UBR4: variants seen among roughly 807,000 people sequenced by gnomAD.
UBR4 encodes the protein ubiquitin protein ligase E3 component n-recognin 4.
In UBR4, 124 loss-of-function variants were observed where a neutral mutation model predicts 575.6. That is an observed-to-expected ratio of 0.22 (90% confidence interval 0.19 to 0.25). UBR4 has a LOEUF of 0.25. UBR4 is among the 10% of genes least tolerant of loss of function. The probability of loss-of-function intolerance (pLI) is 1.00; values close to 1 mark genes in which losing one functional copy is unlikely to be tolerated. For synonymous variants in UBR4, 2,455 were observed against 2,473.7 expected, an observed-to-expected ratio of 0.99 and a Z score of 0.22; for missense variants, 4,818 against 6,478.8, an observed-to-expected ratio of 0.74 and a Z score of 8.80.
Position 19,146,828 on chromosome 1 carries a change from G to C in UBR4, c.7802C>G (p.Thr2601Arg), listed in dbSNP as rs1271376341. The change falls in exon 52 of 106, where the codon ACA becomes AGA. Residue 2601 changes from threonine to arginine, a missense_variant and splice_region_variant. By Grantham distance (71) the Thr-to-Arg change is moderately conservative. This residue lies in a region of UBR4 where 340 missense variants were observed against 375.4 expected (regional missense o/e 0.91). Transcript: ENST00000375254. Reference protein sequence around the residue: ...FTESKLPQMETEGMDEGKEPQ... With the variant: ...FTESKLPQMEREGMDEGKEPQ... ...ACGGCCACAGAGGCCAAGTTCACCT[G>C]TTTCCATCTGGGGCAGCTTTGACTC... 2.5e-6 allele frequency: 4 copies of C among 1,612,668 alleles called. No homozygotes were observed. In the East Asian group the frequency reaches 6.7e-5, roughly 27 times the overall value.
At chr1:19,132,844 C>T (rs11800466) in intron 60 of UBR4, among the ~76,000 whole-genome samples, 4,471 of 152,016 alleles carry the variant, frequency 0.029, 198 homozygotes, top group African/African-American at 0.096. Flanking sequence ...AACAGGCTCA[C>T]GCCAGTAAAA....
At position 19,163,781 on chromosome 1, in the gene UBR4, T is replaced by A; in HGVS notation, c.4747A>T (p.Asn1583Tyr). 1 of 1,614,180 alleles carries A rather than the reference T, an allele frequency of 6.2e-7. No homozygotes were observed. Among genetic ancestry groups the A allele is most frequent in the South Asian group, 1.1e-5 (1 of 91,084 alleles). The change falls in exon 34 of 106, where the codon AAT becomes TAT. Residue 1583 changes from asparagine (N) to tyrosine (Y), a missense_variant. Around this residue, in one of 29 missense-constraint regions of UBR4, gnomAD observed 1,172 missense variants for 1,259.7 expected, o/e 0.93. Transcript: ENST00000375254. ...QKNVVEKLNA[N>Y]VMHGKHVMIL... is the part of the protein sequence containing the mutation. Reference sequence around the variant, plus strand: ...TTTCTTACCTTTCCATGCATTACATTGGCATTCAGTTTTTCAACTACATTC... The same window carrying A: ...TTTCTTACCTTTCCATGCATTACATAGGCATTCAGTTTTTCAACTACATTC...
At chr1:19,199,034 CAT>C (rs2092614939) in intron 3 of UBR4, 106 bp from the exon 4 acceptor site, 1 of 1,336,066 alleles carries the variant, frequency 7.5e-7, no homozygotes, top group African/African-American at 1.5e-5. Flanking sequence ...AATTTAGGTT[CAT>C]ATAAACACTA....
At chr1:19,179,892 T>C (rs2151101889) in intron 17 of UBR4, among the ~76,000 whole-genome samples, 1 of 152,170 alleles carries the variant, frequency 6.6e-6, no homozygotes, top group Middle Eastern at 3.4e-3. Flanking sequence ...CAAAGCATGG[T>C]TACTGTGGGA....
In UBR4 at chr1:19,112,646, G is replaced by A. The variant is rs755971895; in HGVS notation, c.11679C>T (p.Asn3893=). The change falls in exon 78 of 106, where the codon AAC becomes AAT. Residue 3893 remains asparagine, a synonymous_variant. Coordinates refer to ENST00000375254, the MANE Select transcript of UBR4 (RefSeq NM_020765.3). ...AGACAAGGATGTGCCTCAAGGCTGG[G>A]TTGGTGGCCAGGGCCCGAAGTAGTG... ...CITLLRALAT[N]PALRHILVSQ... 1 of 1,614,282 alleles carries A rather than the reference G, an allele frequency of 6.2e-7. No homozygotes were observed. The highest frequency in any genetic ancestry group is 1.1e-5 in the South Asian group (1 of 91,092).
At position 19,101,466 on chromosome 1, in the gene UBR4, G is replaced by A. The variant is rs577244590; in HGVS notation, c.13023+54C>T. 5.1e-6 allele frequency: 8 copies of A among 1,553,482 alleles called. No homozygotes were observed. In the African/African-American group the frequency reaches 8.1e-5, roughly 16 times the overall value. ...TAATGAATCACCAAGAGGCTTCATG[G>A]CAAAGTGGGCTGTGCTGACACTCGA... On this transcript the variant is annotated intron_variant, in intron 88 of 105. Transcript: ENST00000375254.
chr1:19,185,270 AGGC>A lies in UBR4; in HGVS notation c.1764_1766del (p.Glu588_Pro589delinsAsp). Reference sequence around the variant, plus strand: ...TCTCCTCAAACCATTGCCCCAAAATAGGCTCACTGTCATCGTCTGAATAGAGAA... The same window carrying A: ...TCTCCTCAAACCATTGCCCCAAAATATCACTGTCATCGTCTGAATAGAGAA... On this transcript the variant is annotated inframe_deletion, in exon 15 of 106. Coordinates refer to ENST00000375254, the MANE Select transcript of UBR4 (RefSeq NM_020765.3). 1 of 1,578,144 alleles carries A rather than the reference AGGC, an allele frequency of 6.3e-7. No homozygotes were observed. Among genetic ancestry groups the A allele is most frequent in the Non-Finnish European group, 8.6e-7 (1 of 1,166,460 alleles).
rs1219402379 is a variant in UBR4 at position 19,156,343 on chromosome 1, G to A, written c.6000C>T (p.Asn2000=). The change falls in exon 42 of 106, where the codon AAC becomes AAT. Residue 2000 remains asparagine, a synonymous_variant. Coordinates refer to ENST00000375254, the MANE Select transcript of UBR4 (RefSeq NM_020765.3). Reference sequence around the variant, plus strand: ...GTAACCACACGGCTTTGATGATGAAGTTCCCCGTTGCCAACTGAGGGTGCA... The same window carrying A: ...GTAACCACACGGCTTTGATGATGAAATTCCCCGTTGCCAACTGAGGGTGCA... ...LVLHPQLATG[N]FIIKAVWLPG... 1 of 1,614,090 alleles carries A rather than the reference G, an allele frequency of 6.2e-7. No homozygotes were observed. The highest frequency in any genetic ancestry group is 1.3e-5 in the African/African-American group (1 of 74,936).
At position 19,127,754 on chromosome 1, in the gene UBR4, G is replaced by GT. The variant is rs765317782; in HGVS notation, c.9112-16dup. 6.2e-7 allele frequency: 1 copy of GT among 1,607,704 alleles called. No homozygotes were observed. The highest frequency in any genetic ancestry group is 1.7e-5 in the Admixed American group (1 of 59,996). On this transcript the variant is annotated splice_polypyrimidine_tract_variant and intron_variant, in intron 62 of 105. Coordinates refer to ENST00000375254, the MANE Select transcript of UBR4 (RefSeq NM_020765.3). ...TTGGAGACATCCTGCAGGCCAAAGC[G>GT]TAAGTCCAGAAACCTCTACTTACTC...
Position 19,110,262 on chromosome 1 carries a change from C to G in UBR4, c.11978-39G>C. On this transcript the variant is annotated intron_variant, in intron 80 of 105. Transcript: ENST00000375254. This position sits in a 1 kb window ranked among gnomAD's most constrained non-coding sequence, Gnocchi z 4.5. The stretch of plus-strand genomic sequence containing the variant: ...GGAAAGGCAGAGTCACAATCAGGAA[C>G]ACTACACATCTGCTCTGCAGAGGCC... 1 of 1,614,064 alleles carries G rather than the reference C, an allele frequency of 6.2e-7. No individual in the cohort carries two copies. Among genetic ancestry groups the G allele is most frequent in the East Asian group, 2.2e-5 (1 of 44,870 alleles).
chr1:19,108,219 C>T (rs2079443332), intron 81 of UBR4, among the ~76,000 whole-genome samples: 2 of 152,144 alleles, frequency 1.3e-5, no homozygotes, highest in South Asian at 2.1e-4. Flanking sequence ...TACTTCATTA[C>T]ACTAACCTTC....
At chr1:19,126,732 T>A in intron 63 of UBR4, 77 bp from the exon 64 acceptor site, 5 of 1,460,642 alleles carry the variant, frequency 3.4e-6, no homozygotes, top group Non-Finnish European at 4.7e-6. Flanking sequence ...GTGTTGGGGA[T>A]GGGAAACACA....
Position 19,155,505 on chromosome 1 carries a change from C to G in UBR4, c.6236G>C (p.Ser2079Thr). The G allele has an allele frequency of 1.2e-6, 2 of 1,614,154 alleles. No individual in the cohort carries two copies. The highest frequency in any genetic ancestry group is 1.7e-6 in the Non-Finnish European group (2 of 1,180,006). The change falls in exon 43 of 106, where the codon AGC becomes ACC. Residue 2079 changes from serine (S) to threonine (T), a missense_variant. By Grantham distance (58) the Ser-to-Thr change is moderately conservative (BLOSUM62 1). Transcript: ENST00000375254. ...ATAGAAGGGTCCCTGCTGGGCACTG[C>G]TGGCCTCTTCCATAAGCTGAGTATA... is the stretch of plus-strand genomic sequence containing the variant. ...YIYTQLMEEA[S>T]SAQQGPFYVT...
In UBR4 at chr1:19,124,682, A is replaced by AGCATGACCCTGGGAGAAGAAAATTT; in HGVS notation, c.9439-17_9446dup (p.Ala3150AsnfsTer10). 6.2e-7 allele frequency: 1 copy of AGCATGACCCTGGGAGAAGAAAATTT among 1,613,182 alleles called. No homozygotes were observed. Among genetic ancestry groups the AGCATGACCCTGGGAGAAGAAAATTT allele is most frequent in the Non-Finnish European group, 8.5e-7 (1 of 1,179,594 alleles). On this transcript the variant is annotated frameshift_variant, in exon 65 of 106. Transcript: ENST00000375254. LOFTEE classifies it high-confidence loss of function. ...GAGTATAGGCCTCAAACACATCAGC[A>AGCATGACCCTGGGAGAAGAAAATTT]GCATGACCCTGGGAGAAGAAAATTT...
At chr1:19,166,222 G>T (rs1219036212) in intron 29 of UBR4, among the ~76,000 whole-genome samples, 2 of 152,232 alleles carry the variant, frequency 1.3e-5, no homozygotes, top group African/African-American at 4.8e-5. Flanking sequence ...ACAATTCTCC[G>T]TGGGGTGAAA....
chr1:19,111,368 C>T (rs909541612), intron 78 of UBR4, among the ~76,000 whole-genome samples: 1 of 152,236 alleles, frequency 6.6e-6, no homozygotes, highest in Non-Finnish European at 1.5e-5. Context: ...CTGGCCCTCG[C>T]ACCCTCTGAC....
At chr1:19,161,398 C>G (rs2150544875) in intron 37 of UBR4, among the ~76,000 whole-genome samples, 191 bp downstream of exon 37, 1 of 152,306 alleles carries the variant, frequency 6.6e-6, no homozygotes, top group East Asian at 1.9e-4. Flanking sequence ...TACAAGATCT[C>G]TAAGGAATCT....
At chr1:19,138,252 A>G (rs1450352478) in intron 59 of UBR4, 71 bp from the exon 60 acceptor site, 5 of 1,402,694 alleles carry the variant, frequency 3.6e-6, no homozygotes, top group East Asian at 2.5e-5. Flanking sequence ...ATTCTAAAGC[A>G]GCAGCAATAG....
intron 17 of UBR4, among the ~76,000 whole-genome samples, chr1:19,183,375 C>A (rs1355563286): frequency 6.6e-6 from 1 of 152,046 alleles, no homozygotes; most frequent in Non-Finnish European, 1.5e-5. Context: ...ATTAGAATCA[C>A]CTCTCAACGC....
Sources: allele counts gnomAD v4.1 joint callset (sites outside exome capture counted in the v4.1 genomes callset), GRCh38; gene constraint gnomAD v4.1.1; regional missense constraint gnomAD v4.1.1; non-coding constraint Gnocchi (gnomAD v3.1); transcripts MANE v1.5; gene names NCBI Gene and HGNC (gene_info 2026-07-23, HGNC 2026-07-21).